Variants in CYB5R4 observed in about 807,000 individuals in gnomAD.
CYB5R4 encodes N-terminal cytochrome b5 and cytochrome b5 oxidoreductase domain-containing protein.
A neutral mutation model predicts 70.2 loss-of-function variants in CYB5R4; 55 were observed. That is an observed-to-expected ratio of 0.78 (90% CI 0.63 to 0.98). CYB5R4 has a LOEUF of 0.98. Ranked by LOEUF, CYB5R4 falls within the 50% of genes least tolerant of loss-of-function variation. CYB5R4 has a pLI of 0.00. For synonymous variants in CYB5R4, 197 were observed against 199.5 expected, an observed-to-expected ratio of 0.99 and a Z score of 0.11; for missense variants, 562 against 612.6, an observed-to-expected ratio of 0.92 and a Z score of 0.87.
At chr6:83,886,397 A>G (rs977896819) in intron 2 of CYB5R4, among the ~76,000 whole-genome samples, 1 of 152,238 alleles carries the variant, frequency 6.6e-6, no homozygotes, top group African/African-American at 2.4e-5. Flanking sequence ...ATGCTCATCC[A>G]CTGATAAATA....
At position 83,963,538 on chromosome 6, in the gene CYB5R4, T is replaced by C. The variant is rs2099473635; in HGVS notation, c.*3660T>C. On this transcript the variant is annotated 3_prime_UTR_variant, in exon 16 of 16. Transcript: ENST00000369681. ...AATGGAATCTCAAGTAGTTACAGTC[T>C]CTTGGTGTCTTTCAACATTGGTTTT... 6.6e-6 allele frequency: 1 copy of C among 152,228 alleles called. No individual in the cohort carries two copies. The highest frequency in any genetic ancestry group is 1.5e-5 in the Non-Finnish European group (1 of 68,042). The allele number at this position is 152,228 out of a possible 1,614,324, so 9.4% of individuals were successfully genotyped here.
chr6:83,941,292 A>G (rs564302909), intron 14 of CYB5R4, among the ~76,000 whole-genome samples: 1 of 152,348 alleles, frequency 6.6e-6, no homozygotes, highest in South Asian at 2.1e-4. Flanking sequence ...AACTGAATAT[A>G]TGCTCCATTT....
chr6:83,950,278 A>G (rs796843321), intron 14 of CYB5R4, among the ~76,000 whole-genome samples: 5 of 152,338 alleles, frequency 3.3e-5, no homozygotes, highest in African/African-American at 9.6e-5. Flanking sequence ...CCACATTCCA[A>G]GTCTAGCAAA....
At position 83,914,401 on chromosome 6, in the gene CYB5R4, T is replaced by A; in HGVS notation, c.413-15T>A. The A allele has an allele frequency of 6.5e-7, 1 of 1,529,958 alleles. No individual in the cohort carries two copies. The highest frequency in any genetic ancestry group is 8.9e-7 in the Non-Finnish European group (1 of 1,125,938). The allele number at this position is 1,529,958 out of a possible 1,614,324, so 94.8% of individuals were successfully genotyped here. A position where few individuals can be genotyped will look rare whatever the true frequency, so the allele number is the denominator to read the frequency against. On this transcript the variant is annotated splice_polypyrimidine_tract_variant and intron_variant, in intron 4 of 15. Transcript: ENST00000369681. ...AGTATTCTTATTTGACTTTTTTTTCTAAATCACTATACAGACTATCGTGAG... is the reference window on the plus strand; with the variant it reads ...AGTATTCTTATTTGACTTTTTTTTCAAAATCACTATACAGACTATCGTGAG...
At chr6:83,908,743 T>G (rs2099464213) in intron 3 of CYB5R4, among the ~76,000 whole-genome samples, 1 of 152,166 alleles carries the variant, frequency 6.6e-6, no homozygotes, top group Non-Finnish European at 1.5e-5. Context: ...TTTATTAGTA[T>G]TATCATGAAA....
chr6:83,870,045 A>G (rs57599668), intron 2 of CYB5R4, among the ~76,000 whole-genome samples: 4,236 of 152,270 alleles, frequency 0.028, 196 homozygotes, highest in African/African-American at 0.096. Context: ...TGTGAGTTCA[A>G]TGTTCATGAA....
intron 2 of CYB5R4, among the ~76,000 whole-genome samples, chr6:83,880,203 A>T (rs565826343): frequency 2.4e-4 from 36 of 152,312 alleles, no homozygotes; most frequent in African/African-American, 8.7e-4. Flanking sequence ...CAGGGTAATT[A>T]GCTATTGATC....
intron 10 of CYB5R4, 101 bp from the exon 11 acceptor site, chr6:83,934,494 C>A: frequency 1.3e-6 from 1 of 766,094 alleles, no homozygotes; most frequent in Non-Finnish European, 2.0e-6. Context: ...GAAATTGAAG[C>A]TTTCTAGAAA....
intron 5 of CYB5R4, among the ~76,000 whole-genome samples, chr6:83,916,839 G>A (rs1378049611): frequency 6.6e-6 from 1 of 152,128 alleles, no homozygotes; most frequent in Admixed American, 6.5e-5. Flanking sequence ...AAGGTGTCTT[G>A]CAACTCTTAA....
At position 83,948,908 on chromosome 6, in the gene CYB5R4, G is replaced by T. The variant is rs568066424; in HGVS notation, c.1347-6390G>T. Among the ~76,000 whole-genome samples, 10 of 152,082 alleles carry T rather than the reference G, an allele frequency of 6.6e-5. No homozygotes were observed. The East Asian group carries it at 1.7e-3, about 27-fold the overall frequency. ...AGTGGTACTCTCCAGCTTGCTGACG[G>T]AAGTGATAGTGTTCCAACCTCTGGC... is the stretch of plus-strand genomic sequence containing the variant. On this transcript the variant is annotated intron_variant, in intron 14 of 15. Transcript: ENST00000369681.
In CYB5R4 at chr6:83,966,404, AAGG is replaced by A. The variant is rs1182995461; in HGVS notation, c.*6530_*6532del. ...AAATCTTTAAAAAAATAAAAATAAA[AAGG>A]AGGCCTGTGTGCGGTGGCTCATGCC... On this transcript the variant is annotated 3_prime_UTR_variant, in exon 16 of 16. Coordinates refer to ENST00000369681, the MANE Select transcript of CYB5R4 (RefSeq NM_016230.4). 1 of 152,050 alleles carries A rather than the reference AAGG, an allele frequency of 6.6e-6. No homozygotes were observed. The highest frequency in any genetic ancestry group is 1.5e-5 in the Non-Finnish European group (1 of 67,978). The allele number at this position is 152,050 out of a possible 1,614,324, so 9.4% of individuals were successfully genotyped here.
Position 83,936,220 on chromosome 6 carries a change from C to A in CYB5R4, c.956-4C>A. The A allele has an allele frequency of 2.1e-6, 3 of 1,461,104 alleles. No individual in the cohort carries two copies. Among genetic ancestry groups the A allele is most frequent in the Non-Finnish European group, 2.7e-6 (3 of 1,103,496 alleles). 90.5% of individuals were successfully genotyped at this position (1,461,104 alleles called of 1,614,324 possible). ...AATTATTTTGCTGTGATTTTTTTTT[C>A]TAGGTACAGAAATAGTAAAGCCATA... On this transcript the variant is annotated splice_region_variant and splice_polypyrimidine_tract_variant and intron_variant, in intron 11 of 15. Coordinates refer to ENST00000369681, the MANE Select transcript of CYB5R4 (RefSeq NM_016230.4).
At chr6:83,905,659 C>T (rs1268808105) in intron 3 of CYB5R4, among the ~76,000 whole-genome samples, 1 of 151,966 alleles carries the variant, frequency 6.6e-6, no homozygotes, top group Non-Finnish European at 1.5e-5. Context: ...ATGGCATATG[C>T]TGGCACCAGG....
At position 83,962,370 on chromosome 6, in the gene CYB5R4, C is replaced by G. The variant is rs931901781; in HGVS notation, c.*2492C>G. The G allele has an allele frequency of 6.6e-6, 1 of 152,168 alleles. No homozygotes were observed. The allele number at this position is 152,168 out of a possible 1,614,324, so 9.4% of individuals were successfully genotyped here. A position where few individuals can be genotyped will look rare whatever the true frequency, so the allele number is the denominator to read the frequency against. On this transcript the variant is annotated 3_prime_UTR_variant, in exon 16 of 16. Coordinates refer to ENST00000369681, the MANE Select transcript of CYB5R4 (RefSeq NM_016230.4). ...GAATGCAACCAAATACTGAGGAGCA[C>G]AGATAGGAGTATAGTTTATCACTGT...
chr6:83,906,294 C>G (rs2099463768), intron 3 of CYB5R4, among the ~76,000 whole-genome samples: 1 of 152,178 alleles, frequency 6.6e-6, no homozygotes, highest in Non-Finnish European at 1.5e-5. Flanking sequence ...GGGGCAGTAG[C>G]CATGCTTCTC....
chr6:83,861,455 C>G (rs9344364), intron 1 of CYB5R4, among the ~76,000 whole-genome samples: 23,347 of 152,190 alleles, frequency 0.15, 3,476 homozygotes, highest in African/African-American at 0.37. Context: ...TTGTTTCATT[C>G]AACAGCATTT....
chr6:83,899,206 G>A (rs1301904582), intron 3 of CYB5R4, among the ~76,000 whole-genome samples: 1 of 152,174 alleles, frequency 6.6e-6, no homozygotes, highest in Non-Finnish European at 1.5e-5. Flanking sequence ...GGCCTTTTCT[G>A]CATCTATTGA....
rs545978004 is a variant in CYB5R4, at chr6:83,952,599, A to T, written c.1347-2699A>T. On this transcript the variant is annotated intron_variant, in intron 14 of 15. Transcript: ENST00000369681. ...TTTGTTGAAATAAATATTGTGCATG[A>T]AGGAGAATGATGCAGAATAACTAAA... Among the ~76,000 whole-genome samples the T allele has an allele frequency of 2.6e-5, 4 of 152,264 alleles. 1 individual carries two copies. The South Asian group carries it at 8.3e-4, about 32-fold the overall frequency.
intron 1 of CYB5R4, 23 bp downstream of exon 1, chr6:83,859,880 C>A: frequency 1.3e-6 from 2 of 1,599,774 alleles, no homozygotes. Flanking sequence ...CTCCGTGAGT[C>A]TCTCCCCTCG....
Sources: allele counts gnomAD v4.1 joint callset (sites outside exome capture counted in the v4.1 genomes callset), GRCh38; gene constraint gnomAD v4.1.1; transcripts MANE v1.5; gene names NCBI Gene and HGNC (gene_info 2026-07-23, HGNC 2026-07-21).